The following LSAMP variants were observed in gnomAD, a reference collection of about 807,000 sequenced individuals.
LSAMP encodes limbic system-associated membrane protein.
Under a neutral mutation model 38.6 loss-of-function variants are expected in LSAMP, and 7 were observed. The ratio of observed to expected loss-of-function variants is 0.18; its 90% confidence interval spans 0.10 to 0.34. The LOEUF is 0.34. Among genes scored for constraint, LSAMP ranks in the 10% least tolerant of loss-of-function variants. The pLI, the probability that LSAMP is intolerant of heterozygous loss-of-function variation, is 1.00. For synonymous variants in LSAMP, 154 were observed against 166.8 expected (o/e 0.92, Z 0.59); for missense variants, 313 against 420.0 (o/e 0.75, Z 2.23).
intron 1 of LSAMP, among the ~76,000 whole-genome samples, chr3:116,293,815 A>G (rs2047297103): frequency 2.0e-5 from 3 of 152,140 alleles, no homozygotes; most frequent in Admixed American, 6.6e-5. Flanking sequence ...GAATTGTTCT[A>G]TACTTTGACG....
At chr3:116,057,932 T>TACACAC (rs535645480) in intron 2 of LSAMP, among the ~76,000 whole-genome samples, 5 of 136,660 alleles carry the variant, frequency 3.7e-5, no homozygotes, top group South Asian at 2.3e-4. Context: ...ATATAGTAGC[T>TACACAC]ACACACACAC....
chr3:116,008,259 T>C (rs749597174), intron 3 of LSAMP, among the ~76,000 whole-genome samples: 5 of 152,176 alleles, frequency 3.3e-5, no homozygotes, highest in Non-Finnish European at 5.9e-5. Flanking sequence ...AGACGGAAAG[T>C]AGAGGGTTTA....
chr3:116,317,234 T>A (rs530764340), intron 1 of LSAMP, among the ~76,000 whole-genome samples: 2 of 152,334 alleles, frequency 1.3e-5, no homozygotes, highest in East Asian at 3.9e-4. Flanking sequence ...TCGTGCCATC[T>A]TTAAGAGCTG....
chr3:115,968,032 T>C (rs1021291792), intron 3 of LSAMP, among the ~76,000 whole-genome samples: 15 of 152,088 alleles, frequency 9.9e-5, no homozygotes, highest in African/African-American at 3.4e-4. Context: ...TCAAGGCCCA[T>C]GGGCTCTTCA....
intron 3 of LSAMP, among the ~76,000 whole-genome samples, chr3:115,986,181 T>C (rs1213025973): frequency 1.3e-5 from 2 of 152,150 alleles, no homozygotes; most frequent in Non-Finnish European, 2.9e-5. Context: ...AACCTCTTAG[T>C]TGATAAAAGA....
intron 1 of LSAMP, among the ~76,000 whole-genome samples, chr3:116,320,205 G>A (rs1237738570): frequency 2.0e-5 from 3 of 152,104 alleles, no homozygotes; most frequent in African/African-American, 7.2e-5. Flanking sequence ...ACGAGGTCAG[G>A]AGTTCGAGAC....
intron 1 of LSAMP, among the ~76,000 whole-genome samples, chr3:116,169,643 G>GA (rs1710148149): frequency 6.6e-6 from 1 of 152,018 alleles, no homozygotes; most frequent in Non-Finnish European, 1.5e-5. Context: ...TGTAAGGCAG[G>GA]CCTTCTAAAA....
At chr3:115,827,738 C>T (rs572289777) in intron 6 of LSAMP, among the ~76,000 whole-genome samples, 5 of 152,122 alleles carry the variant, frequency 3.3e-5, no homozygotes, top group African/African-American at 1.2e-4. Flanking sequence ...TGACATTCTC[C>T]GTGGAGTCCT....
In LSAMP at chr3:116,130,090, G is replaced by C. The variant is rs149751164; in HGVS notation, c.156-43534C>G. Among the ~76,000 whole-genome samples, 1,102 of 152,286 alleles carry C rather than the reference G, an allele frequency of 7.2e-3. 46 individuals are homozygous for C. The highest frequency in any genetic ancestry group is 0.065 in the Admixed American group (996 of 15,294). ...GTAGTTTCAAGGACAGTATTTTAAA[G>C]AGACAAATATTCTGGGTAATTGTGC... On this transcript the variant is annotated intron_variant, in intron 1 of 6. Coordinates refer to ENST00000490035, the MANE Select transcript of LSAMP (RefSeq NM_002338.5).
chr3:116,159,482 C>T (rs1206439381), intron 1 of LSAMP, among the ~76,000 whole-genome samples: 2 of 151,820 alleles, frequency 1.3e-5, no homozygotes, highest in Non-Finnish European at 2.9e-5. Context: ...ATATATGTGG[C>T]CAATAGGCAT....
intron 3 of LSAMP, among the ~76,000 whole-genome samples, chr3:115,978,559 A>G (rs1939258907): frequency 6.6e-6 from 1 of 152,150 alleles, no homozygotes; most frequent in African/African-American, 2.4e-5. Flanking sequence ...TTACAAGGAG[A>G]AAACAAGCTC....
At chr3:116,009,360 T>C (rs1340760928) in intron 3 of LSAMP, among the ~76,000 whole-genome samples, 1 of 152,116 alleles carries the variant, frequency 6.6e-6, no homozygotes, top group Admixed American at 6.5e-5. Flanking sequence ...TTTAATAAGA[T>C]TCTTCAGATC....
chr3:116,118,294 A>T (rs562985050), intron 1 of LSAMP, among the ~76,000 whole-genome samples: 10 of 152,214 alleles, frequency 6.6e-5, no homozygotes, highest in South Asian at 2.1e-4. Context: ...TCCCCATCCC[A>T]ACCCCAACCT....
At chr3:116,349,826 T>C (rs2048113418) in intron 1 of LSAMP, among the ~76,000 whole-genome samples, 1 of 151,962 alleles carries the variant, frequency 6.6e-6, no homozygotes, top group East Asian at 1.9e-4. Flanking sequence ...AAAGTCTCTC[T>C]GGGGAAATAA....
chr3:115,969,098 C>T (rs756130431), intron 3 of LSAMP, among the ~76,000 whole-genome samples: 69 of 152,178 alleles, frequency 4.5e-4, no homozygotes, highest in Non-Finnish European at 8.5e-4. Flanking sequence ...GCCTTTCCTA[C>T]CCGCTTCAGT....
At chr3:116,246,809 A>T (rs2046611371) in intron 1 of LSAMP, among the ~76,000 whole-genome samples, 1 of 152,204 alleles carries the variant, frequency 6.6e-6, no homozygotes, top group Admixed American at 6.5e-5. Context: ...AGCCCTAGAA[A>T]TTCAAAACAG....
chr3:116,409,135 T>G (rs1363325306), intron 1 of LSAMP, among the ~76,000 whole-genome samples: 6 of 152,046 alleles, frequency 3.9e-5, no homozygotes, highest in African/African-American at 1.4e-4. Flanking sequence ...GAGAGAGGGT[T>G]ATCATTGACA....
chr3:116,124,066 GC>G (rs1481820723), intron 1 of LSAMP, among the ~76,000 whole-genome samples: 1 of 152,162 alleles, frequency 6.6e-6, no homozygotes, highest in Non-Finnish European at 1.5e-5. Flanking sequence ...AATGCAACAT[GC>G]TTTTCATATG....
intron 1 of LSAMP, among the ~76,000 whole-genome samples, chr3:116,432,274 A>C (rs1387383648): frequency 6.6e-6 from 1 of 151,892 alleles, no homozygotes; most frequent in Admixed American, 6.6e-5. Flanking sequence ...GTGTACGTAA[A>C]TTTTATGTAC....
Sources: allele counts gnomAD v4.1 joint callset (sites outside exome capture counted in the v4.1 genomes callset), GRCh38; gene constraint gnomAD v4.1.1; transcripts MANE v1.5; gene names NCBI Gene and HGNC (gene_info 2026-07-23, HGNC 2026-07-21).